Variants in PCDH15 observed in about 807,000 individuals in gnomAD.
PCDH15 encodes protocadherin-15.
PCDH15 carries 129 observed loss-of-function variants against 178.5 expected under a neutral mutation model. That is an observed-to-expected ratio of 0.72 (90% CI 0.63 to 0.84). The LOEUF (loss-of-function observed/expected upper bound fraction) is 0.84, where lower values mean the gene tolerates loss of function less well. PCDH15 is among the 40% of genes least tolerant of loss of function. PCDH15 has a pLI of 0.00. For synonymous variants in PCDH15, 800 were observed against 732.0 expected (o/e 1.09, Z -1.50); for missense variants, 2,230 against 2,099.9 (o/e 1.06, Z -1.21).
At chr10:55,624,067 T>C (rs943022454) in intron 2 of PCDH15, among the ~76,000 whole-genome samples, 8 of 152,096 alleles carry the variant, frequency 5.3e-5, no homozygotes, top group African/African-American at 1.9e-4. Flanking sequence ...AGTTGTGTAA[T>C]TATTTTACAA....
At chr10:54,141,933 T>C (rs114156342) in intron 14 of PCDH15, among the ~76,000 whole-genome samples, 58 of 152,320 alleles carry the variant, frequency 3.8e-4, no homozygotes, top group African/African-American at 1.3e-3. Flanking sequence ...CTTGCTTTGT[T>C]GTATAGTATT....
chr10:54,765,048 T>C (rs1948344803), intron 1 of PCDH15, among the ~76,000 whole-genome samples: 1 of 152,162 alleles, frequency 6.6e-6, no homozygotes, highest in Non-Finnish European at 1.5e-5. Flanking sequence ...ACAACATTTG[T>C]TTGAGGTTGA....
chr10:54,953,847 A>G (rs1201292107), intron 2 of PCDH15, among the ~76,000 whole-genome samples: 1 of 151,256 alleles, frequency 6.6e-6, no homozygotes, highest in Non-Finnish European at 1.5e-5. Context: ...ATGTCCCTCA[A>G]ATATTATTTA....
At chr10:54,532,952 C>A (rs1385310456) in intron 2 of PCDH15, among the ~76,000 whole-genome samples, 4 of 151,930 alleles carry the variant, frequency 2.6e-5, no homozygotes, top group Admixed American at 6.6e-5. Flanking sequence ...TGTGAGTTGC[C>A]CTGAGAAGGA....
chr10:55,454,932 TATAC>T (rs1488213923), intron 2 of PCDH15, among the ~76,000 whole-genome samples: 1 of 152,012 alleles, frequency 6.6e-6, no homozygotes, highest in Non-Finnish European at 1.5e-5. Flanking sequence ...TATAAATAAA[TATAC>T]ATATATACAC....
Position 55,462,245 on chromosome 10 carries a change from T to C in PCDH15, c.-156+165380A>G, listed in dbSNP as rs182854457. Among the ~76,000 whole-genome samples the C allele has an allele frequency of 4.5e-3, 681 of 152,286 alleles. 2 individuals carry two copies. The highest frequency in any genetic ancestry group is 8.2e-3 in the Non-Finnish European group (557 of 68,008). The stretch of plus-strand genomic sequence containing the variant: ...CATGTCGTTACGATGTATTCATTTA[T>C]ATGACCAAACTTGGGTTACAAATCA... On this transcript the variant is annotated intron_variant, in intron 2 of 5. Transcript: ENST00000613346.
chr10:54,612,163 G>A (rs2092983735), intron 2 of PCDH15, among the ~76,000 whole-genome samples: 3 of 151,750 alleles, frequency 2.0e-5, no homozygotes, highest in Admixed American at 1.3e-4. Context: ...AAAAGTAAAA[G>A]AGGCAAACAA....
intron 2 of PCDH15, among the ~76,000 whole-genome samples, chr10:55,559,345 T>TAATATAATCAAAATACAG (rs1397011105): frequency 2.0e-5 from 3 of 152,182 alleles, no homozygotes; most frequent in African/African-American, 7.2e-5. Flanking sequence ...TTTGTTACAT[T>TAATATAATCAAAATACAG]AATATAATCA....
chr10:55,390,525 T>G (rs1837767655), intron 2 of PCDH15, among the ~76,000 whole-genome samples: 1 of 152,208 alleles, frequency 6.6e-6, no homozygotes, highest in South Asian at 2.1e-4. Flanking sequence ...AGTGTTGATA[T>G]TTTGAGTTCC....
intron 26 of PCDH15, among the ~76,000 whole-genome samples, chr10:53,871,223 C>T (rs2079823589): frequency 6.6e-6 from 1 of 151,328 alleles, no homozygotes; most frequent in African/African-American, 2.4e-5. Context: ...CACCTGTAGT[C>T]CCAGCTACTC....
intron 6 of PCDH15, among the ~76,000 whole-genome samples, chr10:54,345,366 A>G (rs1259482385): frequency 2.0e-5 from 3 of 152,082 alleles, no homozygotes; most frequent in African/African-American, 7.2e-5. Flanking sequence ...CAAAATGTTA[A>G]CTTCACCATT....
chr10:55,344,288 G>T (rs532428810), intron 2 of PCDH15, among the ~76,000 whole-genome samples: 1 of 152,044 alleles, frequency 6.6e-6, no homozygotes, highest in East Asian at 1.9e-4. Flanking sequence ...ATAGATAGCC[G>T]TTAGAAAATT....
intron 2 of PCDH15, among the ~76,000 whole-genome samples, chr10:55,413,299 G>C (rs574284296): frequency 0.012 from 1,822 of 151,362 alleles, 45 homozygotes; most frequent in African/African-American, 0.042. Flanking sequence ...TAAAAAAAAA[G>C]GGATAAAGAT....
chr10:55,494,101 G>T (rs1201671604), intron 2 of PCDH15, among the ~76,000 whole-genome samples: 1 of 151,216 alleles, frequency 6.6e-6, no homozygotes, highest in Non-Finnish European at 1.5e-5. Flanking sequence ...TCTGCTGTTG[G>T]ATAAAATGTT....
At chr10:54,800,520 A>C (rs1328857901) in intron 1 of PCDH15, among the ~76,000 whole-genome samples, 1 of 152,158 alleles carries the variant, frequency 6.6e-6, no homozygotes, top group African/African-American at 2.4e-5. Flanking sequence ...AAAACAAATC[A>C]TCAATATTTG....
At chr10:54,559,139 T>C (rs2087713993) in intron 2 of PCDH15, among the ~76,000 whole-genome samples, 1 of 152,074 alleles carries the variant, frequency 6.6e-6, no homozygotes, top group African/African-American at 2.4e-5. Context: ...TTTTATCATA[T>C]GTATGCTATG....
intron 5 of PCDH15, among the ~76,000 whole-genome samples, chr10:54,362,693 G>C (rs2134535151): frequency 6.6e-6 from 1 of 152,068 alleles, no homozygotes; most frequent in Non-Finnish European, 1.5e-5. Context: ...AGGTACATTT[G>C]GTCAAAGGGG....
chr10:55,109,083 C>T (rs1837429943), intron 2 of PCDH15, among the ~76,000 whole-genome samples: 1 of 152,118 alleles, frequency 6.6e-6, no homozygotes. Context: ...TTTGGTGCTA[C>T]CTAATACTCC....
At chr10:54,048,995 C>A (rs572969786) in intron 18 of PCDH15, among the ~76,000 whole-genome samples, 1 of 152,052 alleles carries the variant, frequency 6.6e-6, no homozygotes, top group Admixed American at 6.5e-5. Context: ...CTCTTCCAAT[C>A]CATGAGCATA....
Sources: gnomAD v4.1 joint callset for allele counts (sites outside exome capture counted in the v4.1 genomes callset) on GRCh38, gnomAD v4.1.1 for gene constraint, MANE v1.5 for transcripts, NCBI Gene and HGNC (gene_info 2026-07-23, HGNC 2026-07-21) for gene names.